The following GLMN variants were observed in gnomAD, a reference collection of about 807,000 sequenced individuals.
GLMN encodes the protein glomulin.
A neutral mutation model predicts 87.8 loss-of-function variants in GLMN; 75 were observed. The observed-to-expected ratio is 0.85, with a 90% CI of 0.71 to 1.04. The LOEUF is 1.04. GLMN is among the 50% of genes least tolerant of loss of function. GLMN has a pLI of 0.00. For missense variants in GLMN, 588 were observed against 658.8 expected (o/e 0.89, Z 1.18); for synonymous variants, 206 against 221.6 (o/e 0.93, Z 0.63).
rs1217039653 is a variant in GLMN, at chr1:92,286,563, A to G, written c.662T>C (p.Leu221Pro). The change falls in exon 7 of 19, where the codon CTG (leucine) becomes CCG (proline). Residue 221 changes from leucine (L) to proline (P), a missense_variant. Leu to Pro is a moderately conservative substitution (Grantham distance 98). Transcript: ENST00000370360. Reference protein sequence around the residue: ...FCFKSLKCPLLTAQFFEQSEE... With the variant: ...FCFKSLKCPLPTAQFFEQSEE... ...AGACTGTTCAAAGAATTGTGCTGTC[A>G]GCAAAGGGCATTTCAAGCTTTTGAA... 1.2e-6 allele frequency: 2 copies of G among 1,602,348 alleles called. No individual in the cohort carries two copies. Among genetic ancestry groups the G allele is most frequent in the Admixed American group, 3.3e-5 (2 of 59,970 alleles).
intron 16 of GLMN, among the ~76,000 whole-genome samples, chr1:92,255,278 C>T (rs1440591610): frequency 6.6e-6 from 1 of 151,662 alleles, no homozygotes; most frequent in African/African-American, 2.4e-5. Context: ...TAGAGACCTA[C>T]AGAGACTTAG....
chr1:92,301,281 C>G (rs553723227), upstream of GLMN, among the ~76,000 whole-genome samples: 1 of 151,958 alleles, frequency 6.6e-6, no homozygotes, highest in Non-Finnish European at 1.5e-5. Context: ...GCCAGGAGCT[C>G]GAGACCAGTT....
the GLMN span, among the ~76,000 whole-genome samples, chr1:92,346,136 T>C: frequency 1.3e-5 from 2 of 152,096 alleles, no homozygotes; most frequent in African/African-American, 4.8e-5. Context: ...TACCTTATTC[T>C]TTACAAATAC....
At chr1:92,357,461 G>C in the GLMN span, among the ~76,000 whole-genome samples, 1 of 152,178 alleles carries the variant, frequency 6.6e-6, no homozygotes, top group African/African-American at 2.4e-5. Flanking sequence ...AGTATTCTAG[G>C]AAGTACCTAT....
the GLMN span, among the ~76,000 whole-genome samples, chr1:92,326,118 TG>T: frequency 3.3e-5 from 5 of 152,136 alleles, no homozygotes; most frequent in African/African-American, 1.2e-4. Flanking sequence ...TTTTCCAAAG[TG>T]GTTGTACCGG....
At chr1:92,294,027 A>G (rs990068126) in intron 3 of GLMN, among the ~76,000 whole-genome samples, 3 of 152,156 alleles carry the variant, frequency 2.0e-5, no homozygotes, top group African/African-American at 4.8e-5. Flanking sequence ...TAAGTAATGA[A>G]TAAGACCTAC....
chr1:92,333,361 T>A, the GLMN span: 2 of 1,519,886 alleles, frequency 1.3e-6, no homozygotes, highest in Non-Finnish European at 9.1e-7. Flanking sequence ...CTTATGATTC[T>A]GTTTTGCTTT....
the GLMN span, among the ~76,000 whole-genome samples, chr1:92,368,850 A>G: frequency 6.6e-6 from 1 of 152,208 alleles, no homozygotes; most frequent in East Asian, 1.9e-4. Context: ...ATGCAGTTTG[A>G]CACTTGGCTT....
intron 3 of GLMN, among the ~76,000 whole-genome samples, chr1:92,291,874 C>T (rs1649453289): frequency 6.6e-6 from 1 of 152,072 alleles, no homozygotes; most frequent in South Asian, 2.1e-4. Flanking sequence ...ATTTTGCTCC[C>T]CTTATTCATA....
At chr1:92,343,872 A>G in the GLMN span, among the ~76,000 whole-genome samples, 389 of 152,328 alleles carry the variant, frequency 2.6e-3, 1 homozygote, top group Non-Finnish European at 4.4e-3. Flanking sequence ...GATAGGCCTT[A>G]TTGCAAAGAT....
At chr1:92,362,869 A>G in the GLMN span, among the ~76,000 whole-genome samples, 356 of 152,274 alleles carry the variant, frequency 2.3e-3, no homozygotes, top group Non-Finnish European at 3.4e-3. Context: ...AACTAGTATT[A>G]TTCTGGTTTC....
At chr1:92,354,550 A>T in the GLMN span, among the ~76,000 whole-genome samples, 1 of 152,244 alleles carries the variant, frequency 6.6e-6, no homozygotes, top group Admixed American at 6.5e-5. Context: ...TAGAAATATC[A>T]GTGGAAAGCA....
chr1:92,366,420 C>T, the GLMN span, among the ~76,000 whole-genome samples: 11 of 152,158 alleles, frequency 7.2e-5, no homozygotes, highest in Non-Finnish European at 1.6e-4. Context: ...TAGCAAAGTA[C>T]CACAAAGTAG....
chr1:92,248,664 G>A (rs1030451091), intron 16 of GLMN, among the ~76,000 whole-genome samples: 39 of 152,076 alleles, frequency 2.6e-4, no homozygotes, highest in African/African-American at 8.7e-4. Context: ...AAAGGGAAAC[G>A]TAGGGACCCA....
the GLMN span, among the ~76,000 whole-genome samples, chr1:92,331,767 T>G: frequency 6.6e-6 from 1 of 152,168 alleles, no homozygotes; most frequent in Admixed American, 6.5e-5. Flanking sequence ...CTATCCCCAT[T>G]CTTCCATCTG....
intron 11 of GLMN, 93 bp from the exon 12 acceptor site, chr1:92,266,834 A>G (rs984116849): frequency 2.5e-6 from 2 of 800,622 alleles, no homozygotes; most frequent in South Asian, 3.2e-5. Context: ...CTAAAAATTC[A>G]GAGAAGTGAG....
the GLMN span, among the ~76,000 whole-genome samples, chr1:92,368,122 C>T: frequency 2.2e-4 from 33 of 152,058 alleles, no homozygotes; most frequent in Non-Finnish European, 4.3e-4. Context: ...TGGGGAAGGC[C>T]ACTTAAAAAT....
intron 7 of GLMN, among the ~76,000 whole-genome samples, chr1:92,271,952 C>T (rs911062083): frequency 1.1e-4 from 16 of 152,248 alleles, no homozygotes; most frequent in Admixed American, 7.9e-4. Context: ...CCAGGCCTTC[C>T]CTGAGAGTCA....
At chr1:92,256,214 T>C (rs1265176342) in intron 16 of GLMN, among the ~76,000 whole-genome samples, 2 of 151,680 alleles carry the variant, frequency 1.3e-5, no homozygotes, top group African/African-American at 4.9e-5. Context: ...AGAAGTCGAA[T>C]CCCTGAATAG....
Sources: gnomAD v4.1 joint callset for allele counts (sites outside exome capture counted in the v4.1 genomes callset) on GRCh38, gnomAD v4.1.1 for gene constraint, MANE v1.5 for transcripts, NCBI Gene and HGNC (gene_info 2026-07-23, HGNC 2026-07-21) for gene names.